The following GDPD4 variants were observed in gnomAD, a reference collection of about 807,000 sequenced individuals.
GDPD4 encodes glycerophosphodiester phosphodiesterase 6.
Under a neutral mutation model 67.8 loss-of-function variants are expected in GDPD4, and 60 were observed. The ratio of observed to expected loss-of-function variants is 0.88; its 90% confidence interval spans 0.72 to 1.10. GDPD4 has a LOEUF of 1.10. Among genes scored for constraint, GDPD4 ranks in the 50% least tolerant of loss-of-function variants. GDPD4 has a pLI of 0.00. For synonymous variants in GDPD4, 212 were observed against 210.9 expected, an observed-to-expected ratio of 1.00 and a Z score of -0.04; for missense variants, 623 against 613.9, an observed-to-expected ratio of 1.01 and a Z score of -0.16.
At chr11:77,235,009 G>GGTTTTTTTTTTTTTTTTTTTTTTTTTTTT (rs1958524240) in intron 13 of GDPD4, among the ~76,000 whole-genome samples, 1 of 52,256 alleles carries the variant, frequency 1.9e-5, no homozygotes, top group African/African-American at 6.3e-5. Flanking sequence ...GTCAATATCT[G>GGTTTTTTTTTTTTTTTTTTTTTTTTTTTT]TTTTTTTTTT....
chr11:77,224,632 C>T (rs1247976318), intron 16 of GDPD4, among the ~76,000 whole-genome samples: 1 of 152,144 alleles, frequency 6.6e-6, no homozygotes, highest in African/African-American at 2.4e-5. Flanking sequence ...ACTTTTAATT[C>T]TGCTAACAAG....
intron 2 of GDPD4, among the ~76,000 whole-genome samples, chr11:77,286,284 T>A (rs1174311222): frequency 6.6e-6 from 1 of 152,196 alleles, no homozygotes; most frequent in African/African-American, 2.4e-5. Context: ...TGTGCCTGTG[T>A]ACATGCGCAT....
intron 14 of GDPD4, among the ~76,000 whole-genome samples, chr11:77,230,541 T>C (rs1212909334): frequency 3.3e-5 from 5 of 152,214 alleles, no homozygotes; most frequent in African/African-American, 1.2e-4. Flanking sequence ...TCCTAATGAC[T>C]TTAAGTTCCT....
intron 11 of GDPD4, among the ~76,000 whole-genome samples, chr11:77,252,839 G>A (rs750932755): frequency 2.2e-4 from 34 of 152,186 alleles, no homozygotes; most frequent in Non-Finnish European, 1.2e-4. Flanking sequence ...ATTTGTTGTC[G>A]CAACAGCAGA....
At chr11:77,271,502 C>T (rs1959225804) in intron 5 of GDPD4, 109 bp from the exon 6 acceptor site, 1 of 665,426 alleles carries the variant, frequency 1.5e-6, no homozygotes, top group Non-Finnish European at 2.7e-6. Context: ...TTATCTGCTT[C>T]CTCATTCTTT....
chr11:77,224,325 G>A (rs1958285443), intron 16 of GDPD4: 1 of 152,168 alleles, frequency 6.6e-6, no homozygotes, highest in African/African-American at 2.4e-5. Flanking sequence ...AGTCATCTTG[G>A]AACAGACCTC....
chr11:77,216,916 G>T lies in GDPD4; in HGVS notation c.*361C>A, dbSNP rs923612330. The T allele has an allele frequency of 2.9e-6, 2 of 697,352 alleles. No homozygotes were observed. The highest frequency in any genetic ancestry group is 3.0e-5 in the South Asian group (2 of 67,176). 43.2% of individuals were successfully genotyped at this position (697,352 alleles called of 1,614,324 possible). A position where few individuals can be genotyped will look rare whatever the true frequency, so the allele number is the denominator to read the frequency against. ...ATTATTTGGAGTATTCAGCCATGGG[G>T]ATCTCTTAGAGGTCTCTTATTTAAG... On this transcript the variant is annotated 3_prime_UTR_variant, in exon 17 of 17. Transcript: ENST00000315938.
At position 77,238,653 on chromosome 11, in the gene GDPD4, T is replaced by A. The variant is rs140683566; in HGVS notation, c.1241+5041A>T. On this transcript the variant is annotated intron_variant, in intron 13 of 16. Transcript: ENST00000315938. ...TACAATTTTTTATTTAACATTTTTTTAAAACATTAAAAATAGACCAATAAC... is the reference window on the plus strand; with the variant it reads ...TACAATTTTTTATTTAACATTTTTTAAAAACATTAAAAATAGACCAATAAC... Among the ~76,000 whole-genome samples, 474 of 152,032 alleles carry A rather than the reference T, an allele frequency of 3.1e-3. 4 individuals are homozygous for A. The highest frequency in any genetic ancestry group is 0.011 in the African/African-American group (453 of 41,494).
At chr11:77,300,399 G>T (rs927763855) in intron 1 of GDPD4, among the ~76,000 whole-genome samples, 2 of 152,032 alleles carry the variant, frequency 1.3e-5, no homozygotes, top group African/African-American at 4.8e-5. Flanking sequence ...GCCTTGCTAA[G>T]AATTAAAAAG....
chr11:77,227,288 C>T (rs1234466976), intron 16 of GDPD4, among the ~76,000 whole-genome samples: 2 of 152,224 alleles, frequency 1.3e-5, no homozygotes, highest in African/African-American at 4.8e-5. Context: ...TGCCAATATG[C>T]AGTGACTTGA....
rs765999450 is a variant in GDPD4, at chr11:77,217,086, C to T, written c.*191G>A. The T allele has an allele frequency of 4.2e-6, 3 of 706,928 alleles. No homozygotes were observed. The highest frequency in any genetic ancestry group is 7.8e-6 in the Non-Finnish European group (3 of 385,634). 43.8% of individuals were successfully genotyped at this position (706,928 alleles called of 1,614,324 possible). A position where few individuals can be genotyped will look rare whatever the true frequency, so the allele number is the denominator to read the frequency against. ...ACGGTGGGCATCGGTGGTTGAATCT[C>T]ATGCTTGCCAGGCTTCAAAGGTGTG... On this transcript the variant is annotated 3_prime_UTR_variant, in exon 17 of 17. Transcript: ENST00000315938.
At chr11:77,245,019 C>A (rs1044854846) in intron 12 of GDPD4, among the ~76,000 whole-genome samples, 1 of 152,120 alleles carries the variant, frequency 6.6e-6, no homozygotes, top group African/African-American at 2.4e-5. Flanking sequence ...TACACATATT[C>A]CTCTTTAACA....
At chr11:77,294,586 G>C (rs1486826259) in intron 1 of GDPD4, among the ~76,000 whole-genome samples, 1 of 151,974 alleles carries the variant, frequency 6.6e-6, no homozygotes, top group Non-Finnish European at 1.5e-5. Context: ...CAGATCTACA[G>C]GTTCAACATG....
In GDPD4 at chr11:77,233,116, A is replaced by C; in HGVS notation, c.1298T>G (p.Leu433Arg). The C allele has an allele frequency of 6.2e-7, 1 of 1,614,120 alleles. No individual in the cohort carries two copies. The highest frequency in any genetic ancestry group is 8.5e-7 in the Non-Finnish European group (1 of 1,179,984). ...INVYTVNEPWLFSLAWCSRIN... is the reference protein window; with the variant it reads ...INVYTVNEPWRFSLAWCSRIN... ...CCTGGAGCACCAGGCCAGTGAGAAAAGCCAAGGCTCATTGACGGTGTATAC... is the reference window on the plus strand; with the variant it reads ...CCTGGAGCACCAGGCCAGTGAGAAACGCCAAGGCTCATTGACGGTGTATAC... The change falls in exon 14 of 17, where the codon CTT becomes CGT. Residue 433 changes from leucine to arginine, a missense_variant. Leu to Arg is a moderately radical substitution (Grantham distance 102). Transcript: ENST00000315938.
intron 1 of GDPD4, among the ~76,000 whole-genome samples, chr11:77,297,343 A>G (rs2725824): frequency 6.6e-6 from 1 of 151,752 alleles, no homozygotes; most frequent in South Asian, 2.1e-4. Flanking sequence ...TCAGGAGATC[A>G]AGACCACGGT....
intron 5 of GDPD4, among the ~76,000 whole-genome samples, chr11:77,273,101 G>A (rs1260578785): frequency 6.6e-6 from 1 of 152,072 alleles, no homozygotes; most frequent in Non-Finnish European, 1.5e-5. Context: ...TTGCAGATAA[G>A]CAGCTGACAA....
intron 14 of GDPD4, 136 bp downstream of exon 14, chr11:77,232,889 C>T: frequency 3.0e-6 from 2 of 673,320 alleles, no homozygotes; most frequent in East Asian, 5.4e-5. Context: ...ATGGAAAATA[C>T]CACATCTCCA....
At chr11:77,227,734 C>G in intron 16 of GDPD4, 130 bp downstream of exon 16, 1 of 588,456 alleles carries the variant, frequency 1.7e-6, no homozygotes, top group Non-Finnish European at 3.2e-6. Flanking sequence ...CCCCTGGTCC[C>G]TCCCCCAACC....
intron 9 of GDPD4, 63 bp from the exon 10 acceptor site, chr11:77,268,602 T>C: frequency 6.2e-6 from 8 of 1,298,680 alleles, no homozygotes; most frequent in South Asian, 1.2e-5. Context: ...ATTCCTTTTG[T>C]GGTAGGGGTA....
Sources: gnomAD v4.1 joint callset for allele counts (sites outside exome capture counted in the v4.1 genomes callset) on GRCh38, gnomAD v4.1.1 for gene constraint, MANE v1.5 for transcripts, NCBI Gene and HGNC (gene_info 2026-07-23, HGNC 2026-07-21) for gene names.